Variants in UBR3 observed in about 807,000 individuals in gnomAD.
UBR3 encodes ubiquitin protein ligase E3 component n-recognin 3, also known as E3 ubiquitin-protein ligase UBR3.
In UBR3, 85 loss-of-function variants were observed where a neutral mutation model predicts 243.2. The observed-to-expected ratio is 0.35, with a 90% CI of 0.29 to 0.42. UBR3 has a LOEUF of 0.42. Among genes scored for constraint, UBR3 ranks in the 10% least tolerant of loss-of-function variants. The pLI is 1.00. For missense variants in UBR3, 1,686 were observed against 2,300.8 expected (o/e 0.73, Z 5.47); for synonymous variants, 748 against 799.8 (o/e 0.94, Z 1.09).
intron 1 of UBR3, among the ~76,000 whole-genome samples, chr2:169,861,986 G>T (rs1289970871): frequency 1.3e-5 from 2 of 152,092 alleles, no homozygotes; most frequent in African/African-American, 4.8e-5. Flanking sequence ...TTTCTGCATA[G>T]ATTTGAATTT....
At chr2:170,040,655 TAACAC>T (rs986623999) in intron 31 of UBR3, among the ~76,000 whole-genome samples, 29 of 152,324 alleles carry the variant, frequency 1.9e-4, no homozygotes, top group Admixed American at 2.6e-4. Context: ...TTCACTTTGA[TAACAC>T]AACACATTTT....
chr2:170,073,676 CTG>C, intron 36 of UBR3, 69 bp downstream of exon 36: 4 of 1,476,454 alleles, frequency 2.7e-6, no homozygotes, highest in South Asian at 2.7e-5. Context: ...ATAATGAGGA[CTG>C]TTAAATTTTA....
intron 24 of UBR3, among the ~76,000 whole-genome samples, chr2:169,982,100 G>T (rs1324590115): frequency 6.6e-6 from 1 of 152,076 alleles, no homozygotes; most frequent in Non-Finnish European, 1.5e-5. Context: ...ATTAAATTGT[G>T]TTAAAAAATT....
intron 24 of UBR3, chr2:169,964,654 G>A (rs1342226596): frequency 1.1e-5 from 4 of 368,514 alleles, no homozygotes; most frequent in Non-Finnish European, 2.2e-5. Context: ...GTGACCTGAA[G>A]TTTGGAATTG....
At chr2:169,971,883 A>G (rs1277417967) in intron 24 of UBR3, among the ~76,000 whole-genome samples, 3 of 152,206 alleles carry the variant, frequency 2.0e-5, no homozygotes, top group Non-Finnish European at 2.9e-5. Flanking sequence ...TACACATTCA[A>G]AAGCTAACAG....
intron 1 of UBR3, among the ~76,000 whole-genome samples, chr2:169,845,489 CTCTTCGTCGTCA>C (rs1260282381): frequency 3.5e-5 from 3 of 84,648 alleles, no homozygotes; most frequent in East Asian, 5.9e-4. Context: ...ATTCCTTTCC[CTCTTCGTCGTCA>C]TCGTCGTCGT....
chr2:169,988,469 C>G (rs1207336854), intron 25 of UBR3, among the ~76,000 whole-genome samples: 1 of 152,108 alleles, frequency 6.6e-6, no homozygotes, highest in East Asian at 1.9e-4. Flanking sequence ...TTCCACTATA[C>G]TGTAGCTGCC....
At chr2:169,947,761 TG>T in intron 22 of UBR3, 46 bp downstream of exon 22, 1 of 1,382,318 alleles carries the variant, frequency 7.2e-7, no homozygotes, top group Non-Finnish European at 9.4e-7. Flanking sequence ...CTTTATGTTA[TG>T]TATGTTATGT....
At chr2:170,023,364 G>A (rs1029267691) in intron 30 of UBR3, among the ~76,000 whole-genome samples, 5 of 151,926 alleles carry the variant, frequency 3.3e-5, no homozygotes, top group Admixed American at 3.3e-4. Context: ...TTTACTTTAG[G>A]TGCATTTTAA....
chr2:169,900,917 A>G (rs2084796969), intron 8 of UBR3, among the ~76,000 whole-genome samples: 1 of 152,172 alleles, frequency 6.6e-6, no homozygotes, highest in South Asian at 2.1e-4. Context: ...TGTTAGTCTG[A>G]CGTAGTTATT....
intron 35 of UBR3, among the ~76,000 whole-genome samples, chr2:170,063,473 T>G (rs937656725): frequency 6.6e-6 from 1 of 152,112 alleles, no homozygotes; most frequent in Admixed American, 6.5e-5. Flanking sequence ...TTACTTTGTT[T>G]GTGTATACAG....
At chr2:169,890,549 A>ATATATGTGTG (rs370176054) in intron 5 of UBR3, among the ~76,000 whole-genome samples, 3 of 59,266 alleles carry the variant, frequency 5.1e-5, no homozygotes, top group South Asian at 6.4e-4. Context: ...AGATATATAT[A>ATATATGTGTG]TATATATATA....
intron 19 of UBR3, among the ~76,000 whole-genome samples, chr2:169,938,575 T>C (rs543712879): frequency 6.6e-6 from 1 of 152,352 alleles, no homozygotes; most frequent in African/African-American, 2.4e-5. Context: ...AAATGTTTTC[T>C]GTCATTCTGT....
intron 1 of UBR3, among the ~76,000 whole-genome samples, chr2:169,851,836 C>CAAAAAA (rs139828838): frequency 1.1e-5 from 1 of 90,486 alleles, no homozygotes. Flanking sequence ...GGCTCCGTCT[C>CAAAAAA]AAAAAAAAAA....
Position 170,006,945 on chromosome 2 carries a change from A to C in UBR3, c.4030-45A>C, listed in dbSNP as rs144548936. 4.5e-6 allele frequency: 7 copies of C among 1,560,280 alleles called. No individual in the cohort carries two copies. In the Admixed American group the frequency reaches 9.3e-5, roughly 21 times the overall value. ...ATGGGTGGTATAATTTTTGTTTTCT[A>C]TGAATGTGTATATCACGCATCTGTA... On this transcript the variant is annotated intron_variant, in intron 27 of 38. Transcript: ENST00000272793.
At chr2:170,036,147 G>A (rs140874068) in intron 31 of UBR3, among the ~76,000 whole-genome samples, 1 of 151,970 alleles carries the variant, frequency 6.6e-6, no homozygotes, top group Non-Finnish European at 1.5e-5. Context: ...CTCCCAATCT[G>A]TATAACTTTT....
At chr2:169,876,326 C>T (rs931916274) in intron 3 of UBR3, among the ~76,000 whole-genome samples, 7 of 152,062 alleles carry the variant, frequency 4.6e-5, no homozygotes, top group East Asian at 1.9e-4. Flanking sequence ...ATGATCCGCC[C>T]GCCTTGGCCT....
chr2:169,891,295 A>T (rs945382154), intron 6 of UBR3, 64 bp downstream of exon 6: 6 of 1,263,376 alleles, frequency 4.7e-6, no homozygotes, highest in Non-Finnish European at 6.7e-6. Context: ...CCTAATCACT[A>T]AAAATACTTG....
chr2:169,923,020 T>C (rs1278980884), intron 11 of UBR3, among the ~76,000 whole-genome samples: 1 of 152,182 alleles, frequency 6.6e-6, no homozygotes, highest in Non-Finnish European at 1.5e-5. Flanking sequence ...TAAAAAGCAT[T>C]AAAAACAAAC....
Sources: allele counts gnomAD v4.1 joint callset (sites outside exome capture counted in the v4.1 genomes callset), GRCh38; gene constraint gnomAD v4.1.1; transcripts MANE v1.5; gene names NCBI Gene and HGNC (gene_info 2026-07-23, HGNC 2026-07-21).